The following FANCM variants were observed in gnomAD, a reference collection of about 807,000 sequenced individuals.
FANCM encodes the protein Fanconi anemia group M protein.
FANCM carries 140 observed loss-of-function variants against 199.5 expected under a neutral mutation model. The observed-to-expected ratio is 0.70, with a 90% CI of 0.61 to 0.81. The LOEUF is 0.81. Ranked by LOEUF, FANCM falls within the 30% of genes least tolerant of loss-of-function variation. The pLI is 0.00. For synonymous variants in FANCM, 840 were observed against 836.8 expected, an observed-to-expected ratio of 1.00 and a Z score of -0.07; for missense variants, 2,410 against 2,421.4, an observed-to-expected ratio of 1.00 and a Z score of 0.10.
chr14:45,195,039 G>T (rs537077113), intron 20 of FANCM, among the ~76,000 whole-genome samples: 15 of 152,004 alleles, frequency 9.9e-5, no homozygotes, highest in Non-Finnish European at 2.2e-4. Flanking sequence ...GTGAGCCACC[G>T]CTGTATCATA....
rs4143944 is a variant in FANCM at position 45,191,832 on chromosome 14, A to G, written c.5340+2470A>G. On this transcript the variant is annotated intron_variant, in intron 20 of 22. Transcript: ENST00000267430. ...CATTGTCATGTATATTACAAACAGT[A>G]TTCCTTGTCTTTTGCTTTTTTGTTT... Among the ~76,000 whole-genome samples the G allele has an allele frequency of 2.3e-3, 348 of 152,240 alleles. 10 individuals carry two copies. The East Asian group carries it at 0.045, about 20-fold the overall frequency.
rs1555363268 is a variant in FANCM, at chr14:45,167,085, A to G, written c.1924A>G (p.Ile642Val). The G allele has an allele frequency of 1.9e-6, 3 of 1,613,864 alleles. No homozygotes were observed. The highest frequency in any genetic ancestry group is 1.1e-5 in the South Asian group (1 of 91,076). ...CAACCCAAAATTACACAAAATGTTC[A>G]TCACACATGGTGTCTATGAACCAGA... ...GINPKLHKMF[I>V]THGVYEPEKP... The change falls in exon 11 of 23, where the codon ATC (isoleucine) becomes GTC (valine). Residue 642 changes from isoleucine to valine, a missense_variant. By Grantham distance (29) the Ile-to-Val change is conservative. Transcript: ENST00000267430.
chr14:45,148,200 AACACACAC>A (rs200351777), intron 3 of FANCM, among the ~76,000 whole-genome samples: 11 of 142,434 alleles, frequency 7.7e-5, no homozygotes, highest in East Asian at 2.1e-4. Context: ...CCGTCTCAAA[AACACACAC>A]ACACACACAC....
At chr14:45,160,969 A>G (rs1887562576) in intron 9 of FANCM, among the ~76,000 whole-genome samples, 2 of 152,116 alleles carry the variant, frequency 1.3e-5, no homozygotes, top group African/African-American at 4.8e-5. Flanking sequence ...CAGATTATAC[A>G]TATTTTTAAG....
At chr14:45,138,587 G>A (rs554711582) in intron 2 of FANCM, among the ~76,000 whole-genome samples, 2 of 152,200 alleles carry the variant, frequency 1.3e-5, no homozygotes, top group South Asian at 2.1e-4. Flanking sequence ...GGGCAACATA[G>A]TGAGACCCTG....
chr14:45,154,195 G>A, intron 6 of FANCM, 143 bp downstream of exon 6: 1 of 580,236 alleles, frequency 1.7e-6, no homozygotes. Flanking sequence ...GAGGTCAGGA[G>A]TTCAAGACCA....
intron 7 of FANCM, 58 bp downstream of exon 7, chr14:45,154,880 T>C: frequency 6.8e-7 from 1 of 1,476,656 alleles, no homozygotes; most frequent in Non-Finnish European, 9.4e-7. Flanking sequence ...ACAGTTAATT[T>C]TGAAATTTTG....
In FANCM at chr14:45,176,404, A is replaced by C. The variant is rs762245674; in HGVS notation, c.3650A>C (p.His1217Pro). Residue 1217 changes from histidine to proline, a missense_variant, in exon 14 of 23, where the codon CAT (histidine) becomes CCT (proline). His to Pro is a moderately conservative substitution (Grantham distance 77, BLOSUM62 -2). Coordinates refer to ENST00000267430, the MANE Select transcript of FANCM (RefSeq NM_020937.4). Reference protein sequence around the residue: ...RGVQEEKVKNHEDIFDCSRDL... With the variant: ...RGVQEEKVKNPEDIFDCSRDL... ...GTACAGGAAGAAAAAGTGAAGAATCATGAGGATATTTTTGATTGCTCTAGG... is the reference window on the plus strand; with the variant it reads ...GTACAGGAAGAAAAAGTGAAGAATCCTGAGGATATTTTTGATTGCTCTAGG... 20 of 1,613,086 alleles carry C rather than the reference A, an allele frequency of 1.2e-5. No homozygotes were observed. The highest frequency in any genetic ancestry group is 1.7e-5 in the Non-Finnish European group (20 of 1,179,900).
chr14:45,149,028 T>A, intron 4 of FANCM, 33 bp downstream of exon 4: 1 of 1,488,454 alleles, frequency 6.7e-7, no homozygotes, highest in Non-Finnish European at 9.4e-7. Context: ...AGGGATTTCA[T>A]AAATAAACTG....
In FANCM at chr14:45,176,267, T is replaced by G; in HGVS notation, c.3513T>G (p.Pro1171=). Residue 1171 remains proline, a synonymous_variant, in exon 14 of 23, where the codon CCT becomes CCG. Coordinates refer to ENST00000267430, the MANE Select transcript of FANCM (RefSeq NM_020937.4). Reference sequence around the variant, plus strand: ...ACAAAACTGCTATTAGTGAAACGCCTCTGGTCTCTCAGTTCTTAATTTCTG... The same window carrying G: ...ACAAAACTGCTATTAGTGAAACGCCGCTGGTCTCTCAGTTCTTAATTTCTG... ...VSDKTAISET[P]LVSQFLISDE... 1 of 1,614,088 alleles carries G rather than the reference T, an allele frequency of 6.2e-7. No individual in the cohort carries two copies. The highest frequency in any genetic ancestry group is 8.5e-7 in the Non-Finnish European group (1 of 1,179,930).
chr14:45,188,718 A>G, intron 19 of FANCM, 84 bp from the exon 20 acceptor site: 1 of 988,092 alleles, frequency 1.0e-6, no homozygotes, highest in East Asian at 2.5e-5. Context: ...ATATTAATGC[A>G]GATTTCATGT....
chr14:45,166,769 C>A (rs1246995277), intron 10 of FANCM, among the ~76,000 whole-genome samples, 181 bp from the exon 11 acceptor site: 3 of 148,246 alleles, frequency 2.0e-5, no homozygotes, highest in Non-Finnish European at 3.0e-5. Flanking sequence ...CAGAGTAAGA[C>A]CCTGTCTCAA....
At chr14:45,141,500 G>A (rs1359475047) in intron 3 of FANCM, among the ~76,000 whole-genome samples, 37 of 70,286 alleles carry the variant, frequency 5.3e-4, no homozygotes, top group Admixed American at 8.6e-4. Context: ...TTTCTCCTCT[G>A]TTCTCCTCCC....
At chr14:45,194,720 T>C (rs1889964922) in intron 20 of FANCM, among the ~76,000 whole-genome samples, 1 of 152,146 alleles carries the variant, frequency 6.6e-6, no homozygotes, top group African/African-American at 2.4e-5. Context: ...ATGTTGCCGG[T>C]GTAACTTTGG....
At chr14:45,192,967 A>C (rs181834715) in intron 20 of FANCM, among the ~76,000 whole-genome samples, 2 of 152,342 alleles carry the variant, frequency 1.3e-5, no homozygotes, top group Admixed American at 1.3e-4. Context: ...TTTTCTTCAC[A>C]CACTCATCAG....
intron 16 of FANCM, among the ~76,000 whole-genome samples, chr14:45,182,159 T>C (rs923669741): frequency 5.3e-5 from 8 of 152,048 alleles, no homozygotes; most frequent in Middle Eastern, 3.2e-3. Flanking sequence ...ATCTCGGGAG[T>C]TCTGGCAAGC....
At position 45,148,836 on chromosome 14, in the gene FANCM, G is replaced by A. The variant is rs1886615711; in HGVS notation, c.760-1G>A. ...AATCATACTTAATTGATTTCATATA[G>A]GCTGTGCAACAAGTTATTACTAACC... On this transcript the variant is annotated splice_acceptor_variant, in intron 3 of 22. Coordinates refer to ENST00000267430, the MANE Select transcript of FANCM (RefSeq NM_020937.4). LOFTEE classifies it high-confidence loss of function. 1 of 1,600,132 alleles carries A rather than the reference G, an allele frequency of 6.2e-7. No homozygotes were observed. The highest frequency in any genetic ancestry group is 1.1e-5 in the South Asian group (1 of 90,752).
chr14:45,140,116 C>T (rs373941843), intron 2 of FANCM, among the ~76,000 whole-genome samples: 2 of 152,170 alleles, frequency 1.3e-5, no homozygotes, highest in South Asian at 2.1e-4. Flanking sequence ...TAAGATTTCT[C>T]TTAATCTGTC....
At position 45,136,445 on chromosome 14, in the gene FANCM, C is replaced by G. The variant is rs2139103448; in HGVS notation, c.414C>G (p.Val138=). Residue 138 remains valine, a synonymous_variant, in exon 1 of 23, where the codon GTC becomes GTG. Transcript: ENST00000267430. Reference sequence around the variant, plus strand: ...GCTGGTTCCCTTCAGGAAAGGTGGTCTTCATGGCCCCAACGAAACCCTTGG... The same window carrying G: ...GCTGGTTCCCTTCAGGAAAGGTGGTGTTCATGGCCCCAACGAAACCCTTGG... ...FYRWFPSGKV[V]FMAPTKPLVT... 6.2e-7 allele frequency: 1 copy of G among 1,614,196 alleles called. No individual in the cohort carries two copies. The highest frequency in any genetic ancestry group is 8.5e-7 in the Non-Finnish European group (1 of 1,180,040).
Sources: gnomAD v4.1 joint callset for allele counts (sites outside exome capture counted in the v4.1 genomes callset) on GRCh38, gnomAD v4.1.1 for gene constraint, MANE v1.5 for transcripts, NCBI Gene and HGNC (gene_info 2026-07-23, HGNC 2026-07-21) for gene names.